The following ARHGAP23 variants were observed in gnomAD, a reference collection of about 807,000 sequenced individuals.
ARHGAP23 encodes rho GTPase-activating protein 23.
A neutral mutation model predicts 136.3 loss-of-function variants in ARHGAP23; 34 were observed. The ratio of observed to expected loss-of-function variants is 0.25; its 90% CI spans 0.19 to 0.33. The LOEUF is 0.33. ARHGAP23 is among the 10% of genes least tolerant of loss of function. ARHGAP23 has a pLI of 1.00. For missense variants in ARHGAP23, 1,808 were observed against 2,139.0 expected, an observed-to-expected ratio of 0.85 and a Z score of 3.05; for synonymous variants, 832 against 920.5, an observed-to-expected ratio of 0.90 and a Z score of 1.74.
upstream of ARHGAP23, among the ~76,000 whole-genome samples, chr17:38,425,132 G>A (rs1236800347): frequency 6.6e-6 from 1 of 152,142 alleles, no homozygotes; most frequent in African/African-American, 2.4e-5. Flanking sequence ...CCCCAAACCA[G>A]GCTAGCACGG....
Position 38,459,233 on chromosome 17 carries a change from A to C in ARHGAP23, c.225+970A>C, listed in dbSNP as rs116008886. On this transcript the variant is annotated intron_variant, in intron 2 of 23. Coordinates refer to ENST00000622683, the MANE Select transcript of ARHGAP23 (RefSeq NM_001199417.2). ...GGTCCCACCTATCAGAGAACCAAAC[A>C]GGGGACTTCACTGTCTGTGTTCGTG... Among the ~76,000 whole-genome samples, 500 of 152,250 alleles carry C rather than the reference A, an allele frequency of 3.3e-3. 3 individuals are homozygous for C. The highest frequency in any genetic ancestry group is 0.012 in the African/African-American group (479 of 41,536).
chr17:38,434,387 C>G (rs1257931556), intron 1 of ARHGAP23, among the ~76,000 whole-genome samples: 1 of 152,260 alleles, frequency 6.6e-6, no homozygotes, highest in Non-Finnish European at 1.5e-5. Flanking sequence ...GGCCGAGGAG[C>G]TGGCCCTGGG....
rs564237601 is a variant in ARHGAP23 at position 38,439,931 on chromosome 17, T to C, written c.63+11383T>C. ...TTTTAGTAGAGATGGGGTCTCATCGTGTTGACCAGGCTGGTCTAACTCCTG... is the reference window on the plus strand; with the variant it reads ...TTTTAGTAGAGATGGGGTCTCATCGCGTTGACCAGGCTGGTCTAACTCCTG... On this transcript the variant is annotated intron_variant, in intron 1 of 23. Coordinates refer to ENST00000622683, the MANE Select transcript of ARHGAP23 (RefSeq NM_001199417.2). 9.2e-5 allele frequency among the ~76,000 whole-genome samples: 14 copies of C among 152,102 alleles called. No individual in the cohort carries two copies. The East Asian group carries it at 2.5e-3, about 27-fold the overall frequency.
intron 1 of ARHGAP23, among the ~76,000 whole-genome samples, chr17:38,453,480 G>C (rs2039237633): frequency 1.3e-5 from 2 of 150,998 alleles, no homozygotes; most frequent in Non-Finnish European, 3.0e-5. Context: ...CGCTGGAAGG[G>C]TGCAAGGTGT....
chr17:38,474,637 G>A (rs928325155), intron 11 of ARHGAP23, among the ~76,000 whole-genome samples: 3 of 152,152 alleles, frequency 2.0e-5, no homozygotes, highest in African/African-American at 7.2e-5. Context: ...TGAGGGCGTG[G>A]CACTAGAGGG....
At chr17:38,492,449 G>A (rs141463348) in intron 20 of ARHGAP23, among the ~76,000 whole-genome samples, 3,113 of 152,182 alleles carry the variant, frequency 0.02, 105 homozygotes, top group African/African-American at 0.071. Context: ...TTACAGAGGA[G>A]GAAACAGGCT....
chr17:38,428,675 G>A (rs954767417), intron 1 of ARHGAP23, 127 bp downstream of exon 1: 2 of 571,074 alleles, frequency 3.5e-6, no homozygotes, highest in Middle Eastern at 1.1e-3. Flanking sequence ...CGGGCACCGC[G>A]GGCACCGCTG....
In ARHGAP23 at chr17:38,486,494, C is replaced by A. The variant is rs1416477016; in HGVS notation, c.2986+354C>A. On this transcript the variant is annotated intron_variant, in intron 17 of 23. Coordinates refer to ENST00000622683, the MANE Select transcript of ARHGAP23 (RefSeq NM_001199417.2). Reference sequence around the variant, plus strand: ...AATCAATCCTCCTGCCTGCCCCAGCCTCACAAAATGCTGGGATTACAGGCA... The same window carrying A: ...AATCAATCCTCCTGCCTGCCCCAGCATCACAAAATGCTGGGATTACAGGCA... Among the ~76,000 whole-genome samples, 8 of 151,136 alleles carry A rather than the reference C, an allele frequency of 5.3e-5. No individual in the cohort carries two copies. The South Asian group carries it at 1.7e-3, about 32-fold the overall frequency.
Position 38,510,638 on chromosome 17 carries a change from A to G in ARHGAP23, c.4142A>G (p.Asp1381Gly), listed in dbSNP as rs968025563. The G allele has an allele frequency of 7.4e-7, 1 of 1,359,062 alleles. No homozygotes were observed. The allele number at this position is 1,359,062 out of a possible 1,614,324, so 84.2% of individuals were successfully genotyped here. ...CGTCTAAGGCTCCGCGGCACGGCGG[A>G]CGACATGCTCGCCGTGCGCCTGCGG... is the stretch of plus-strand genomic sequence containing the variant. The part of the protein sequence containing the change: ...ALRLRLRGTA[D>G]DMLAVRLRRP... The change falls in exon 24 of 24, where the codon GAC becomes GGC. Residue 1381 changes from aspartate to glycine, a missense_variant. By Grantham distance (94) the Asp-to-Gly change is moderately conservative. Around this residue, in one of 7 missense-constraint regions of ARHGAP23, gnomAD observed 506 missense variants for 455.8 expected, o/e 1.11. Coordinates refer to ENST00000622683, the MANE Select transcript of ARHGAP23 (RefSeq NM_001199417.2). This position sits in a 1 kb window ranked among gnomAD's most constrained non-coding sequence, Gnocchi z 4.6.
chr17:38,468,013 G>A (rs893358086), intron 7 of ARHGAP23, among the ~76,000 whole-genome samples: 2 of 152,246 alleles, frequency 1.3e-5, no homozygotes, highest in African/African-American at 4.8e-5. Context: ...GCGTGTCGTG[G>A]GACAGGGAGC....
intron 1 of ARHGAP23, among the ~76,000 whole-genome samples, chr17:38,456,814 C>G (rs191679269): frequency 1.4e-4 from 21 of 152,348 alleles, no homozygotes; most frequent in Admixed American, 6.5e-4. Flanking sequence ...TGTGCCCCCT[C>G]CAAACTCTTG....
chr17:38,428,519 C>A lies in ARHGAP23; in HGVS notation c.34C>A (p.Pro12Thr). ...NGVAFCLVGI[P>T]PRPEPRPPQL... is the part of the protein sequence containing the mutation. Reference sequence around the variant, plus strand: ...AGTCGCCTTCTGCCTGGTCGGGATCCCGCCCCGCCCGGAGCCCCGGCCCCC... The same window carrying A: ...AGTCGCCTTCTGCCTGGTCGGGATCACGCCCCGCCCGGAGCCCCGGCCCCC... Residue 12 changes from proline to threonine, a missense_variant, in exon 1 of 24, where the codon CCG (proline) becomes ACG (threonine). Pro to Thr is a conservative substitution (Grantham distance 38). Transcript: ENST00000622683. 6.9e-7 allele frequency: 1 copy of A among 1,455,538 alleles called. No individual in the cohort carries two copies. Among genetic ancestry groups the A allele is most frequent in the Non-Finnish European group, 9.0e-7 (1 of 1,107,510 alleles). The allele number at this position is 1,455,538 out of a possible 1,614,324, so 90.2% of individuals were successfully genotyped here. A position where few individuals can be genotyped will look rare whatever the true frequency, so the allele number is the denominator to read the frequency against.
chr17:38,482,160 C>T lies in ARHGAP23; in HGVS notation c.2751+17C>T, dbSNP rs760767344. On this transcript the variant is annotated intron_variant, in intron 15 of 23. Coordinates refer to ENST00000622683, the MANE Select transcript of ARHGAP23 (RefSeq NM_001199417.2). ...GAGAACCAGGTGAGTCTCTGCCACA[C>T]GCCAGAGCAGGCCCAGCAGGGGGAG... The T allele has an allele frequency of 1.4e-5, 22 of 1,545,974 alleles. No individual in the cohort carries two copies. Among genetic ancestry groups the T allele is most frequent in the Admixed American group, 6.0e-5 (3 of 49,844 alleles).
intron 21 of ARHGAP23, 30 bp from the exon 22 acceptor site, chr17:38,498,384 A>G: frequency 6.6e-7 from 1 of 1,521,738 alleles, no homozygotes; most frequent in Non-Finnish European, 8.9e-7. Context: ...ATCTGAGGGC[A>G]TGCCAGCTGA....
At chr17:38,425,543 C>A (rs1219313464), upstream of ARHGAP23, among the ~76,000 whole-genome samples, 1 of 152,170 alleles carries the variant, frequency 6.6e-6, no homozygotes, top group Non-Finnish European at 1.5e-5. Context: ...TCTCCTCTAC[C>A]CCCTCACATA....
At chr17:38,464,267 C>A (rs1248536717) in intron 6 of ARHGAP23, among the ~76,000 whole-genome samples, 1 of 152,004 alleles carries the variant, frequency 6.6e-6, no homozygotes, top group Non-Finnish European at 1.5e-5. Context: ...CGAAGCAGGC[C>A]CTGCACTCCC....
chr17:38,466,083 G>C, intron 6 of ARHGAP23, 84 bp from the exon 7 acceptor site: 1 of 1,213,394 alleles, frequency 8.2e-7, no homozygotes. Flanking sequence ...TCCCTCCTGG[G>C]CTCCTTGACC....
intron 6 of ARHGAP23, among the ~76,000 whole-genome samples, chr17:38,464,663 G>A (rs1211085845): frequency 6.6e-6 from 1 of 152,208 alleles, no homozygotes; most frequent in Non-Finnish European, 1.5e-5. Flanking sequence ...AGGCTGAGGC[G>A]AGGCCAGCTA....
chr17:38,451,791 A>C (rs2144575448), intron 1 of ARHGAP23: 1 of 152,570 alleles, frequency 6.6e-6, no homozygotes, highest in East Asian at 1.9e-4. Flanking sequence ...AGGGCAGGTC[A>C]GGGCAGGAGT....
Sources: allele counts gnomAD v4.1 joint callset (sites outside exome capture counted in the v4.1 genomes callset), GRCh38; gene constraint gnomAD v4.1.1; regional missense constraint gnomAD v4.1.1; non-coding constraint Gnocchi (gnomAD v3.1); transcripts MANE v1.5; gene names NCBI Gene and HGNC (gene_info 2026-07-23, HGNC 2026-07-21).